Variants in SLC25A21 observed in about 807,000 individuals in gnomAD.
SLC25A21 encodes solute carrier family 25 member 21, also known as mitochondrial 2-oxodicarboxylate carrier.
In SLC25A21, 47 loss-of-function variants were observed where a neutral mutation model predicts 43.8. That is an observed-to-expected ratio of 1.07 (90% CI 0.85 to 1.37). The LOEUF (loss-of-function observed/expected upper bound fraction) is 1.37, where lower values mean the gene tolerates loss of function less well. Ranked by LOEUF, SLC25A21 falls within the 40% of genes most tolerant of loss-of-function variation. The pLI is 0.00. For missense variants in SLC25A21, 352 were observed against 350.2 expected (o/e 1.00, Z -0.04); for synonymous variants, 131 against 121.3 (o/e 1.08, Z -0.52).
intron 1 of SLC25A21, among the ~76,000 whole-genome samples, chr14:36,986,092 T>G (rs1283160697): frequency 6.6e-6 from 1 of 152,124 alleles, no homozygotes; most frequent in Non-Finnish European, 1.5e-5. Context: ...GAAATCAAGA[T>G]TTAGGTATTA....
At chr14:37,093,724 G>A (rs894047239) in intron 1 of SLC25A21, among the ~76,000 whole-genome samples, 2 of 152,172 alleles carry the variant, frequency 1.3e-5, no homozygotes, top group Non-Finnish European at 1.5e-5. Flanking sequence ...GGGGGAGGAT[G>A]AAGGAATAAG....
At chr14:36,910,874 G>A (rs1365243733) in intron 1 of SLC25A21, among the ~76,000 whole-genome samples, 1 of 152,132 alleles carries the variant, frequency 6.6e-6, no homozygotes, top group Non-Finnish European at 1.5e-5. Context: ...GATGTTTTTA[G>A]TTGTATTCTG....
chr14:36,839,152 A>T (rs972757212), intron 2 of SLC25A21, among the ~76,000 whole-genome samples: 2 of 152,250 alleles, frequency 1.3e-5, no homozygotes, highest in Admixed American at 6.5e-5. Flanking sequence ...AAATGTAATT[A>T]AAGTGCATTT....
intron 2 of SLC25A21, among the ~76,000 whole-genome samples, chr14:36,836,157 A>C (rs1029944520): frequency 2.6e-5 from 4 of 152,206 alleles, no homozygotes; most frequent in African/African-American, 9.6e-5. Flanking sequence ...GGAAGTGTTA[A>C]GTATAAAACG....
At chr14:36,784,936 T>C (rs1594585347) in intron 3 of SLC25A21, among the ~76,000 whole-genome samples, 1 of 152,318 alleles carries the variant, frequency 6.6e-6, no homozygotes, top group African/African-American at 2.4e-5. Context: ...AATTGCAACA[T>C]TAGAACTGGT....
intron 1 of SLC25A21, among the ~76,000 whole-genome samples, chr14:36,898,970 G>C (rs1891327681): frequency 6.6e-6 from 1 of 152,206 alleles, no homozygotes; most frequent in African/African-American, 2.4e-5. Flanking sequence ...GTGGAGTAAT[G>C]TATGTGTCAA....
At chr14:37,149,955 C>G (rs955401936) in intron 1 of SLC25A21, among the ~76,000 whole-genome samples, 1 of 152,108 alleles carries the variant, frequency 6.6e-6, no homozygotes, top group African/African-American at 2.4e-5. Context: ...CATTCATAAA[C>G]CAAATCCACA....
At chr14:36,838,612 C>T (rs181756832) in intron 2 of SLC25A21, among the ~76,000 whole-genome samples, 95 of 152,224 alleles carry the variant, frequency 6.2e-4, no homozygotes, top group African/African-American at 1.8e-3. Flanking sequence ...AGAAAATCAA[C>T]GTTAGAGACA....
chr14:37,137,352 A>G (rs911138248), intron 1 of SLC25A21, among the ~76,000 whole-genome samples: 4 of 152,208 alleles, frequency 2.6e-5, no homozygotes, highest in Non-Finnish European at 2.9e-5. Context: ...TATTATGTTT[A>G]TGTTTAAATA....
At chr14:37,171,326 C>G (rs984566059) in intron 1 of SLC25A21, among the ~76,000 whole-genome samples, 2 of 152,092 alleles carry the variant, frequency 1.3e-5, no homozygotes, top group African/African-American at 4.8e-5. Flanking sequence ...GCAGTAATCC[C>G]TTACAAAAAG....
At chr14:36,805,156 C>A (rs1264606486) in intron 3 of SLC25A21, among the ~76,000 whole-genome samples, 2 of 152,174 alleles carry the variant, frequency 1.3e-5, no homozygotes, top group Admixed American at 6.5e-5. Context: ...GCACCACACG[C>A]TGAGGGAGGC....
chr14:36,791,178 T>C (rs1190945903), intron 3 of SLC25A21, among the ~76,000 whole-genome samples: 1 of 152,148 alleles, frequency 6.6e-6, no homozygotes, highest in Non-Finnish European at 1.5e-5. Flanking sequence ...TGTAAGTTGC[T>C]AATTATCTAA....
chr14:36,734,573 C>G lies in SLC25A21; in HGVS notation c.204G>C (p.Gly68=). 2 of 1,600,332 alleles carry G rather than the reference C, an allele frequency of 1.2e-6. No homozygotes were observed. Among genetic ancestry groups the G allele is most frequent in the Non-Finnish European group, 1.7e-6 (2 of 1,172,304 alleles). ...GAATTCCCTTGTAAAAACCAAATAA[C>G]CTGTTGGAGAAATAAAAGATTTCCT... ...DSFRMIFQME[G]LFGFYKGILP... The change falls in exon 4 of 10, where the codon GGG becomes GGC. Residue 68 remains glycine, a splice_region_variant and synonymous_variant. Coordinates refer to ENST00000331299, the MANE Select transcript of SLC25A21 (RefSeq NM_030631.4).
chr14:36,758,840 G>T (rs1431037859), intron 3 of SLC25A21, among the ~76,000 whole-genome samples: 2 of 152,160 alleles, frequency 1.3e-5, no homozygotes, highest in Non-Finnish European at 2.9e-5. Context: ...GAAGAGAGCA[G>T]CCCAGAGCAG....
chr14:36,770,076 C>T (rs1294621316), intron 3 of SLC25A21, among the ~76,000 whole-genome samples: 1 of 152,118 alleles, frequency 6.6e-6, no homozygotes, highest in African/African-American at 2.4e-5. Context: ...ACATAAATAG[C>T]CTTGCTCGCA....
At chr14:37,114,788 C>CA (rs1566891660) in intron 1 of SLC25A21, among the ~76,000 whole-genome samples, 1 of 150,542 alleles carries the variant, frequency 6.6e-6, no homozygotes, top group Non-Finnish European at 1.5e-5. Flanking sequence ...ATTTTTATGG[C>CA]GGGGGGGGAA....
rs149679861 is a variant in SLC25A21, at chr14:36,727,077, T to C, written c.331-1400A>G. 1.1e-3 allele frequency among the ~76,000 whole-genome samples: 169 copies of C among 152,288 alleles called. 1 individual carries two copies. The highest frequency in any genetic ancestry group is 3.4e-3 in the Middle Eastern group (1 of 294). On this transcript the variant is annotated intron_variant, in intron 5 of 9. Coordinates refer to ENST00000331299, the MANE Select transcript of SLC25A21 (RefSeq NM_030631.4). ...ACTGTAACACACAGTAGCTTGTGCA[T>C]AGACAAAGGTGCCCAACCAAGGGTG...
At chr14:36,972,993 T>C (rs928151414) in intron 1 of SLC25A21, among the ~76,000 whole-genome samples, 3 of 151,280 alleles carry the variant, frequency 2.0e-5, no homozygotes, top group African/African-American at 2.4e-5. Flanking sequence ...TCACTATGCC[T>C]GGCTAATTTT....
intron 2 of SLC25A21, among the ~76,000 whole-genome samples, chr14:36,866,212 C>G (rs1057222913): frequency 1.3e-5 from 2 of 152,138 alleles, no homozygotes; most frequent in African/African-American, 2.4e-5. Context: ...CTCCTGGCCT[C>G]AAGCAATCCT....
Sources: allele counts gnomAD v4.1 joint callset (sites outside exome capture counted in the v4.1 genomes callset), GRCh38; gene constraint gnomAD v4.1.1; transcripts MANE v1.5; gene names NCBI Gene and HGNC (gene_info 2026-07-23, HGNC 2026-07-21).